APBB2: variants seen among roughly 807,000 people sequenced by gnomAD.
APBB2 encodes Fe65-like 1.
A neutral mutation model predicts 82.5 loss-of-function variants in APBB2; 38 were observed. The observed-to-expected ratio is 0.46, with a 90% CI of 0.36 to 0.60. The LOEUF (loss-of-function observed/expected upper bound fraction) is 0.60. Among genes scored for constraint, APBB2 ranks in the 20% least tolerant of loss-of-function variants. The pLI is 0.00. For missense variants in APBB2, 772 were observed against 972.3 expected, an observed-to-expected ratio of 0.79 and a Z score of 2.74; for synonymous variants, 341 against 368.2, an observed-to-expected ratio of 0.93 and a Z score of 0.85.
chr4:40,857,066 C>T, intron 12 of APBB2: 2 of 985,596 alleles, frequency 2.0e-6, no homozygotes, highest in East Asian at 1.1e-4. Context: ...GGGGATGCCG[C>T]CCCAGGTGCT....
chr4:40,992,217 A>C (rs1042303931), intron 6 of APBB2, among the ~76,000 whole-genome samples: 12 of 152,164 alleles, frequency 7.9e-5, no homozygotes, highest in Non-Finnish European at 1.3e-4. Flanking sequence ...CTGTTGCACA[A>C]GCTGGAAGCC....
At chr4:41,048,633 C>T (rs111447038) in intron 4 of APBB2, among the ~76,000 whole-genome samples, 10 of 151,076 alleles carry the variant, frequency 6.6e-5, no homozygotes, top group African/African-American at 2.4e-4. Flanking sequence ...TTCTCCCTCT[C>T]CCTATCCCTC....
intron 10 of APBB2, among the ~76,000 whole-genome samples, chr4:40,915,059 C>T (rs1275756988): frequency 6.6e-6 from 1 of 152,164 alleles, no homozygotes; most frequent in Non-Finnish European, 1.5e-5. Flanking sequence ...CAGGACATTG[C>T]CTGCTGTGAA....
chr4:41,186,156 T>C (rs62410022), intron 1 of APBB2, among the ~76,000 whole-genome samples: 3 of 152,222 alleles, frequency 2.0e-5, no homozygotes, highest in Admixed American at 6.5e-5. Context: ...CTTCTGAAAT[T>C]ATATCTTTCA....
chr4:41,149,373 A>T (rs1166093075), intron 1 of APBB2, among the ~76,000 whole-genome samples: 1 of 152,136 alleles, frequency 6.6e-6, no homozygotes, highest in Non-Finnish European at 1.5e-5. Context: ...TTTTAAAAAA[A>T]ATTTTTATTT....
chr4:41,104,793 C>T (rs1746605400), intron 2 of APBB2, among the ~76,000 whole-genome samples: 1 of 152,176 alleles, frequency 6.6e-6, no homozygotes, highest in Non-Finnish European at 1.5e-5. Flanking sequence ...AGGATAATGG[C>T]CTCCAGCTCC....
intron 3 of APBB2, among the ~76,000 whole-genome samples, chr4:41,070,621 G>A (rs538279786): frequency 5.5e-4 from 83 of 152,244 alleles, no homozygotes; most frequent in Non-Finnish European, 1.0e-3. Context: ...TTTATATTAC[G>A]CAGCAGCACA....
chr4:40,872,031 A>C (rs1003092003), intron 12 of APBB2, among the ~76,000 whole-genome samples: 1 of 152,218 alleles, frequency 6.6e-6, no homozygotes, highest in African/African-American at 2.4e-5. Context: ...GGGGTGGCGT[A>C]TATTTCCCCA....
At chr4:41,209,387 A>T (rs1778764920) in intron 1 of APBB2, among the ~76,000 whole-genome samples, 1 of 152,228 alleles carries the variant, frequency 6.6e-6, no homozygotes, top group Admixed American at 6.5e-5. Context: ...CTGAGTAGAC[A>T]CATTTCACCA....
chr4:41,023,257 T>A (rs1424354238), intron 5 of APBB2, among the ~76,000 whole-genome samples: 2 of 152,234 alleles, frequency 1.3e-5, no homozygotes, highest in Non-Finnish European at 2.9e-5. Flanking sequence ...GGGCATGAGT[T>A]AGCAGTTCTT....
At chr4:40,863,318 G>A (rs1763231680) in intron 12 of APBB2, among the ~76,000 whole-genome samples, 1 of 152,208 alleles carries the variant, frequency 6.6e-6, no homozygotes, top group South Asian at 2.1e-4. Context: ...CAACAGAGCA[G>A]GCGGGATGTT....
intron 5 of APBB2, among the ~76,000 whole-genome samples, chr4:41,018,891 G>A (rs564213681): frequency 9.2e-5 from 14 of 152,232 alleles, no homozygotes; most frequent in African/African-American, 3.1e-4. Context: ...GAAAGTGGGA[G>A]AGGACAAGGT....
chr4:40,883,685 G>A (rs1769357726), intron 12 of APBB2, among the ~76,000 whole-genome samples: 1 of 145,494 alleles, frequency 6.9e-6, no homozygotes, highest in Admixed American at 7.0e-5. Flanking sequence ...TAGAAGACAT[G>A]GCTAGGAAGG....
chr4:40,983,902 C>T (rs1011006714), intron 6 of APBB2, among the ~76,000 whole-genome samples: 80 of 152,054 alleles, frequency 5.3e-4, no homozygotes, highest in African/African-American at 1.8e-3. Flanking sequence ...TGTTTTTGAT[C>T]CCTGAATCAT....
At chr4:41,090,045 T>A (rs899586129) in intron 3 of APBB2, among the ~76,000 whole-genome samples, 1 of 152,046 alleles carries the variant, frequency 6.6e-6, no homozygotes, top group Non-Finnish European at 1.5e-5. Flanking sequence ...AACCCAAACA[T>A]AAATTATATG....
At chr4:41,060,501 C>T (rs907742855) in intron 4 of APBB2, among the ~76,000 whole-genome samples, 1 of 152,164 alleles carries the variant, frequency 6.6e-6, no homozygotes, top group African/African-American at 2.4e-5. Flanking sequence ...TCCAGTTCCA[C>T]CCCTTAGCCC....
chr4:41,154,255 G>GA (rs955961467), intron 1 of APBB2, among the ~76,000 whole-genome samples: 3 of 152,088 alleles, frequency 2.0e-5, no homozygotes, highest in Non-Finnish European at 2.9e-5. Context: ...CTTCTAATAG[G>GA]AAAAATGACT....
intron 12 of APBB2, among the ~76,000 whole-genome samples, chr4:40,870,948 G>A (rs556036202): frequency 2.1e-4 from 32 of 151,934 alleles, no homozygotes; most frequent in Admixed American, 5.9e-4. Flanking sequence ...GGATCTACCC[G>A]CCTTGGCCTC....
At chr4:41,045,574 G>T (rs1383784442) in intron 4 of APBB2, among the ~76,000 whole-genome samples, 1 of 152,184 alleles carries the variant, frequency 6.6e-6, no homozygotes, top group African/African-American at 2.4e-5. Flanking sequence ...TTACAGGTGT[G>T]AGCCACCGTG....
Sources: gnomAD v4.1 joint callset for allele counts (sites outside exome capture counted in the v4.1 genomes callset) on GRCh38, gnomAD v4.1.1 for gene constraint, MANE v1.5 for transcripts, NCBI Gene and HGNC (gene_info 2026-07-23, HGNC 2026-07-21) for gene names.